The following GALNTL6 variants were observed in gnomAD, a reference collection of about 807,000 sequenced individuals.
GALNTL6 encodes polypeptide N-acetylgalactosaminyltransferase like 6.
A neutral mutation model predicts 73.7 loss-of-function variants in GALNTL6; 46 were observed. The observed-to-expected ratio is 0.62, with a 90% CI of 0.49 to 0.80. The LOEUF (loss-of-function observed/expected upper bound fraction) is 0.80, where lower values mean the gene tolerates loss of function less well. GALNTL6 is among the 30% of genes least tolerant of loss of function. The probability of loss-of-function intolerance (pLI) is 0.00; values close to 1 mark genes in which losing one functional copy is unlikely to be tolerated. For synonymous variants in GALNTL6, 259 were observed against 263.7 expected, an observed-to-expected ratio of 0.98 and a Z score of 0.17; for missense variants, 604 against 755.0, an observed-to-expected ratio of 0.80 and a Z score of 2.34.
intron 2 of GALNTL6, among the ~76,000 whole-genome samples, chr4:172,164,011 T>C (rs1162235095): frequency 6.6e-6 from 1 of 152,024 alleles, no homozygotes; most frequent in Non-Finnish European, 1.5e-5. Flanking sequence ...TTTAACTTTA[T>C]GCAGCATAAG....
chr4:172,814,342 G>A (rs1053295631), intron 7 of GALNTL6, among the ~76,000 whole-genome samples: 71 of 152,096 alleles, frequency 4.7e-4, no homozygotes, highest in Admixed American at 2.6e-3. Flanking sequence ...TCTACCAAAC[G>A]ACATCCTGTT....
At chr4:171,932,811 T>C (rs1391333948) in intron 2 of GALNTL6, among the ~76,000 whole-genome samples, 1 of 152,206 alleles carries the variant, frequency 6.6e-6, no homozygotes, top group Non-Finnish European at 1.5e-5. Context: ...GCAACACAAA[T>C]GTCCAGAATA....
intron 5 of GALNTL6, among the ~76,000 whole-genome samples, chr4:172,472,547 G>T (rs1220549598): frequency 1.3e-5 from 2 of 151,952 alleles, no homozygotes; most frequent in Non-Finnish European, 2.9e-5. Context: ...GACCTTATTT[G>T]GAAACAGGGT....
intron 5 of GALNTL6, among the ~76,000 whole-genome samples, chr4:172,481,719 G>C (rs150054334): frequency 1.3e-5 from 2 of 152,074 alleles, no homozygotes; most frequent in Admixed American, 6.5e-5. Flanking sequence ...GTGCATCCAC[G>C]AACCCTGAGC....
chr4:172,534,141 C>T (rs1735263218), intron 5 of GALNTL6, among the ~76,000 whole-genome samples: 1 of 152,156 alleles, frequency 6.6e-6, no homozygotes, highest in Non-Finnish European at 1.5e-5. Flanking sequence ...AAAAACAGAG[C>T]TCAGAGTTCT....
chr4:172,923,637 C>A (rs1011386249), intron 8 of GALNTL6, among the ~76,000 whole-genome samples: 3 of 152,104 alleles, frequency 2.0e-5, no homozygotes, highest in Admixed American at 6.5e-5. Flanking sequence ...GTGTGCACAC[C>A]AAGGGGAGTA....
At chr4:172,481,912 G>T (rs1733496121) in intron 5 of GALNTL6, among the ~76,000 whole-genome samples, 1 of 152,222 alleles carries the variant, frequency 6.6e-6, no homozygotes, top group African/African-American at 2.4e-5. Context: ...GGCAGTGGAT[G>T]GGACTGAGCG....
chr4:172,947,638 G>A (rs576546214), intron 9 of GALNTL6, among the ~76,000 whole-genome samples: 8 of 151,458 alleles, frequency 5.3e-5, no homozygotes, highest in African/African-American at 1.9e-4. Context: ...CAATCTCAGA[G>A]AAAGATAGGA....
At chr4:172,700,451 AG>A (rs1560889497) in intron 5 of GALNTL6, among the ~76,000 whole-genome samples, 14 of 152,294 alleles carry the variant, frequency 9.2e-5, no homozygotes, top group African/African-American at 3.4e-4. Flanking sequence ...GTAATTGTAG[AG>A]GGATTTACTG....
At position 172,176,175 on chromosome 4, in the gene GALNTL6, TA is replaced by T. The variant is rs559810494; in HGVS notation, c.139-53475del. Among the ~76,000 whole-genome samples, 1,290 of 150,722 alleles carry T rather than the reference TA, an allele frequency of 8.6e-3. 23 individuals are homozygous for T. Among genetic ancestry groups the T allele is most frequent in the African/African-American group, 0.03 (1,219 of 41,004 alleles). ...TAACACGGTGAAACCCCATCTCTACTAAAAAATACAAAAAATTAGCCGGGCG... is the reference window on the plus strand; with the variant it reads ...TAACACGGTGAAACCCCATCTCTACTAAAAATACAAAAAATTAGCCGGGCG... On this transcript the variant is annotated intron_variant, in intron 2 of 12. Coordinates refer to ENST00000506823, the MANE Select transcript of GALNTL6 (RefSeq NM_001034845.3).
At position 172,803,278 on chromosome 4, in the gene GALNTL6, G is replaced by T. The variant is rs565322398; in HGVS notation, c.554-6083G>T. On this transcript the variant is annotated intron_variant, in intron 5 of 12. Coordinates refer to ENST00000506823, the MANE Select transcript of GALNTL6 (RefSeq NM_001034845.3). ...AGGAGGCGAGCAGCAGGTGAGTAAG[G>T]ATTACCACCTGAGCTCTGCCTCCTG... Among the ~76,000 whole-genome samples, 86 of 152,300 alleles carry T rather than the reference G, an allele frequency of 5.6e-4. 2 individuals carry two copies. The South Asian group carries it at 0.017, about 31-fold the overall frequency.
At chr4:172,838,952 A>G (rs1276531073) in intron 7 of GALNTL6, among the ~76,000 whole-genome samples, 8 of 152,248 alleles carry the variant, frequency 5.3e-5, no homozygotes, top group African/African-American at 1.7e-4. Context: ...GCATCTGTCA[A>G]TAAATGGAGG....
chr4:171,879,528 A>G (rs1736377145), intron 2 of GALNTL6, among the ~76,000 whole-genome samples: 1 of 152,218 alleles, frequency 6.6e-6, no homozygotes, highest in South Asian at 2.1e-4. Context: ...ATAAAAATGG[A>G]ATATAAACTC....
intron 5 of GALNTL6, among the ~76,000 whole-genome samples, chr4:172,453,019 T>A (rs992492563): frequency 4.6e-5 from 7 of 152,138 alleles, no homozygotes; most frequent in Admixed American, 1.3e-4. Context: ...CTGGCCAACA[T>A]GGTGAAACCA....
intron 5 of GALNTL6, among the ~76,000 whole-genome samples, chr4:172,353,735 A>G (rs1486990642): frequency 6.6e-6 from 1 of 152,022 alleles, no homozygotes; most frequent in East Asian, 1.9e-4. Context: ...ATATGTGTAT[A>G]TACAATATGT....
At chr4:172,633,868 T>C (rs1285691392) in intron 5 of GALNTL6, among the ~76,000 whole-genome samples, 1 of 152,218 alleles carries the variant, frequency 6.6e-6, no homozygotes, top group Non-Finnish European at 1.5e-5. Context: ...GTTTTATAAA[T>C]GGGAGTTCCC....
intron 2 of GALNTL6, among the ~76,000 whole-genome samples, chr4:172,087,740 C>A (rs1732090432): frequency 6.8e-6 from 1 of 147,568 alleles, no homozygotes; most frequent in African/African-American, 2.5e-5. Context: ...AAAACATAAA[C>A]AGTGATTACC....
chr4:172,073,773 A>G (rs926588321), intron 2 of GALNTL6, among the ~76,000 whole-genome samples: 6 of 152,216 alleles, frequency 3.9e-5, no homozygotes, highest in African/African-American at 1.4e-4. Context: ...ACAGTTCTCA[A>G]CTACAAAGTG....
intron 2 of GALNTL6, among the ~76,000 whole-genome samples, chr4:171,950,466 T>A (rs950552374): frequency 7.3e-6 from 1 of 136,520 alleles, no homozygotes; most frequent in African/African-American, 2.7e-5. Flanking sequence ...GTGAGCAAAG[T>A]AAAATCTTTT....
Sources: gnomAD v4.1 joint callset for allele counts (sites outside exome capture counted in the v4.1 genomes callset) on GRCh38, gnomAD v4.1.1 for gene constraint, MANE v1.5 for transcripts, NCBI Gene and HGNC (gene_info 2026-07-23, HGNC 2026-07-21) for gene names.